ZNF138: variants seen among roughly 807,000 people sequenced by gnomAD.
ZNF138 encodes the protein zinc finger protein 138 (clone pHZ-32).
In ZNF138, 33 loss-of-function variants were observed where a neutral mutation model predicts 33.0. That is an observed-to-expected ratio of 1.00 (90% CI 0.76 to 1.34). ZNF138 has a LOEUF of 1.34. ZNF138 is among the 40% of genes most tolerant of loss of function. ZNF138 has a pLI of 0.00. For missense variants in ZNF138, 360 were observed against 370.8 expected, an observed-to-expected ratio of 0.97 and a Z score of 0.24; for synonymous variants, 139 against 120.4, an observed-to-expected ratio of 1.15 and a Z score of -1.01.
In ZNF138 at chr7:64,832,787, C is replaced by G; in HGVS notation, c.*585C>G. The G allele has an allele frequency of 2.2e-6, 1 of 447,900 alleles. No homozygotes were observed. The highest frequency in any genetic ancestry group is 2.6e-5 in the Admixed American group (1 of 38,042). 27.7% of individuals were successfully genotyped at this position (447,900 alleles called of 1,614,324 possible). On this transcript the variant is annotated 3_prime_UTR_variant, in exon 4 of 4. Coordinates refer to ENST00000307355, the MANE Select transcript of ZNF138 (RefSeq NM_001271639.2). ...AATGTGGCAAAGGTTTTAGCCAACTCTCAAACCTTACTAAACACAAGAAGA... is the reference window on the plus strand; with the variant it reads ...AATGTGGCAAAGGTTTTAGCCAACTGTCAAACCTTACTAAACACAAGAAGA...
chr7:64,818,695 AGCC>A (rs1287606562), intron 3 of ZNF138, among the ~76,000 whole-genome samples: 1 of 137,998 alleles, frequency 7.2e-6, no homozygotes, highest in East Asian at 2.7e-4. Flanking sequence ...GGTTGTGGTG[AGCC>A]GAGATCATGC....
At chr7:64,820,188 G>A (rs928696969) in intron 3 of ZNF138, among the ~76,000 whole-genome samples, 1 of 20,886 alleles carries the variant, frequency 4.8e-5, no homozygotes, top group Non-Finnish European at 8.3e-5. Context: ...AGTAACAACT[G>A]CCCATTTTAC....
chr7:64,839,280 G>GT, the ZNF138 span, among the ~76,000 whole-genome samples: 1 of 152,220 alleles, frequency 6.6e-6, no homozygotes, highest in African/African-American at 2.4e-5. Flanking sequence ...GAGTTGTAAA[G>GT]TTGGGAGGTT....
chr7:64,824,790 T>A (rs574747267), intron 3 of ZNF138, among the ~76,000 whole-genome samples: 1 of 152,158 alleles, frequency 6.6e-6, no homozygotes, highest in Non-Finnish European at 1.5e-5. Flanking sequence ...CACGCAATTG[T>A]GGTTACTATT....
intron 1 of ZNF138, among the ~76,000 whole-genome samples, chr7:64,797,792 C>CAA (rs1276976256): frequency 6.6e-6 from 1 of 151,936 alleles, no homozygotes; most frequent in Non-Finnish European, 1.5e-5. Flanking sequence ...TAAAATACTG[C>CAA]AACAGAAGGA....
rs563047316 is a variant in ZNF138, at chr7:64,822,857, A to G, written c.208+7204A>G. On this transcript the variant is annotated intron_variant, in intron 3 of 3. Coordinates refer to ENST00000307355, the MANE Select transcript of ZNF138 (RefSeq NM_001271639.2). The stretch of plus-strand genomic sequence containing the variant: ...TTGTTTACCGCTGTATGTTGTATTG[A>G]CATCTTTGAAAAATTAATTTTTTTA... 3.5e-5 allele frequency among the ~76,000 whole-genome samples: 5 copies of G among 144,264 alleles called. No individual in the cohort carries two copies. The Admixed American group carries it at 3.7e-4, about 11-fold the overall frequency. 94.6% of individuals were successfully genotyped at this position (144,264 alleles called of 152,430 possible). A position where few individuals can be genotyped will look rare whatever the true frequency, so the allele number is the denominator to read the frequency against.
the ZNF138 span, among the ~76,000 whole-genome samples, chr7:64,859,861 G>C: frequency 3.9e-5 from 6 of 152,234 alleles, no homozygotes; most frequent in Non-Finnish European, 7.4e-5. Flanking sequence ...ATTATTGGCT[G>C]TGCACGGTGG....
chr7:64,852,891 T>C, the ZNF138 span: 1 of 991,948 alleles, frequency 1.0e-6, no homozygotes, highest in Non-Finnish European at 1.6e-6. Context: ...ATTACAGACG[T>C]TTCTGCCTCC....
At chr7:64,847,817 A>G in the ZNF138 span, among the ~76,000 whole-genome samples, 51,421 of 151,982 alleles carry the variant, frequency 0.34, 9,380 homozygotes, top group Non-Finnish European at 0.41. Flanking sequence ...TCAATTCTGT[A>G]TCTTTTAAGT....
chr7:64,811,440 A>T (rs1285129031), intron 1 of ZNF138, among the ~76,000 whole-genome samples: 1 of 152,094 alleles, frequency 6.6e-6, no homozygotes, highest in African/African-American at 2.4e-5. Context: ...CTTCCTCCTA[A>T]GTTCAAGTGA....
the ZNF138 span, among the ~76,000 whole-genome samples, chr7:64,845,213 T>C: frequency 2.0e-5 from 3 of 152,238 alleles, no homozygotes; most frequent in Non-Finnish European, 4.4e-5. Context: ...GTTACTTCAC[T>C]TAGAATAATA....
intron 3 of ZNF138, chr7:64,830,862 A>C: frequency 7.7e-6 from 11 of 1,420,362 alleles, no homozygotes; most frequent in Non-Finnish European, 9.2e-6. Context: ...GAAATTTTTT[A>C]GGGTTTTTTT....
At chr7:64,803,262 T>G (rs1787299946) in intron 1 of ZNF138, among the ~76,000 whole-genome samples, 1 of 151,192 alleles carries the variant, frequency 6.6e-6, no homozygotes, top group African/African-American at 2.4e-5. Context: ...GCAAAGGTTT[T>G]TTTTTTTTTT....
chr7:64,798,907 CTTT>C (rs34358558), intron 1 of ZNF138, among the ~76,000 whole-genome samples: 2 of 130,162 alleles, frequency 1.5e-5, no homozygotes, highest in Non-Finnish European at 3.4e-5. Context: ...TTCTATGAGC[CTTT>C]TTTTTTTTTT....
At chr7:64,805,916 G>A (rs1261638508) in intron 1 of ZNF138, among the ~76,000 whole-genome samples, 1 of 152,220 alleles carries the variant, frequency 6.6e-6, no homozygotes, top group East Asian at 1.9e-4. Context: ...ATGACATGGT[G>A]TTGTAAATTC....
At position 64,831,079 on chromosome 7, in the gene ZNF138, A is replaced by G. The variant is rs1790043833; in HGVS notation, c.209-372A>G. 5 of 1,548,394 alleles carry G rather than the reference A, an allele frequency of 3.2e-6. No individual in the cohort carries two copies. In the East Asian group the frequency reaches 9.8e-5, roughly 30 times the overall value. On this transcript the variant is annotated intron_variant, in intron 3 of 3. Transcript: ENST00000307355. ...ACCTAGAAGCCAGAAATAAAGATGT[A>G]TGTGTTATTATTTCTCTTGCCTTTT... is the stretch of plus-strand genomic sequence containing the variant.
intron 3 of ZNF138, among the ~76,000 whole-genome samples, chr7:64,830,202 G>A (rs1361281347): frequency 1.3e-5 from 2 of 152,042 alleles, no homozygotes; most frequent in African/African-American, 4.8e-5. Context: ...TCTCTTGTCT[G>A]TGACTTTTTA....
At chr7:64,798,101 G>A (rs1021919386) in intron 1 of ZNF138, among the ~76,000 whole-genome samples, 6 of 151,904 alleles carry the variant, frequency 3.9e-5, no homozygotes, top group South Asian at 2.1e-4. Context: ...CCACCATGCC[G>A]GGCTAATTTT....
At chr7:64,843,999 T>C in the ZNF138 span, among the ~76,000 whole-genome samples, 1 of 152,138 alleles carries the variant, frequency 6.6e-6, no homozygotes, top group African/African-American at 2.4e-5. Context: ...AATTTTTGTA[T>C]TTTTAGTAGA....
Sources: gnomAD v4.1 joint callset for allele counts (sites outside exome capture counted in the v4.1 genomes callset) on GRCh38, gnomAD v4.1.1 for gene constraint, MANE v1.5 for transcripts, NCBI Gene and HGNC (gene_info 2026-07-23, HGNC 2026-07-21) for gene names.